ECT2L: variants seen among roughly 807,000 people sequenced by gnomAD.
ECT2L encodes the protein epithelial cell transforming 2 like, also known as epithelial cell-transforming sequence 2 oncogene-like.
A neutral mutation model predicts 122.8 loss-of-function variants in ECT2L; 126 were observed. That is an observed-to-expected ratio of 1.03 (90% CI 0.89 to 1.19). ECT2L has a LOEUF of 1.19. Ranked by LOEUF, ECT2L falls within the 50% of genes most tolerant of loss-of-function variation. ECT2L has a pLI of 0.00. For missense variants in ECT2L, 1,012 were observed against 1,064.1 expected, an observed-to-expected ratio of 0.95 and a Z score of 0.68; for synonymous variants, 385 against 381.8, an observed-to-expected ratio of 1.01 and a Z score of -0.10.
chr6:138,882,306 G>C (rs1481927824), intron 15 of ECT2L, among the ~76,000 whole-genome samples: 1 of 152,154 alleles, frequency 6.6e-6, no homozygotes, highest in Non-Finnish European at 1.5e-5. Flanking sequence ...TCTGATGGAT[G>C]AATGAGGGAT....
chr6:138,827,077 G>A (rs551625389), intron 4 of ECT2L, among the ~76,000 whole-genome samples: 19 of 152,246 alleles, frequency 1.2e-4, no homozygotes, highest in South Asian at 4.1e-4. Flanking sequence ...AGCCAGGTGC[G>A]GTGGTTCATA....
At chr6:138,847,626 C>T (rs1777280292) in intron 8 of ECT2L, among the ~76,000 whole-genome samples, 1 of 151,162 alleles carries the variant, frequency 6.6e-6, no homozygotes, top group South Asian at 2.1e-4. Flanking sequence ...ATCCGCCTGC[C>T]TTGGCCTCCC....
chr6:138,876,401 C>A, intron 13 of ECT2L, 71 bp from the exon 14 acceptor site: 3 of 1,045,342 alleles, frequency 2.9e-6, no homozygotes, highest in Non-Finnish European at 4.4e-6. Context: ...GGGCCTCCTG[C>A]GGGCACAGTA....
chr6:138,901,038 G>C lies in ECT2L; in HGVS notation c.2505G>C (p.Glu835Asp). ...SSRGTSHTPF[E>D]RTSKTTYQFI... ...GGGGCACATCTCACACTCCATTTGA[G>C]AGGACTTCAAAAACAACCTACCAGT... Residue 835 changes from glutamate to aspartate, a missense_variant, in exon 21 of 22, where the codon GAG (glutamate) becomes GAC (aspartate). Glu to Asp is a conservative substitution (Grantham distance 45). Coordinates refer to ENST00000541398, the MANE Select transcript of ECT2L (RefSeq NM_001077706.3). 6.2e-7 allele frequency: 1 copy of C among 1,614,146 alleles called. No individual in the cohort carries two copies. The highest frequency in any genetic ancestry group is 8.5e-7 in the Non-Finnish European group (1 of 1,180,024).
chr6:138,806,511 C>CTTCTT (rs530723007), intron 1 of ECT2L, among the ~76,000 whole-genome samples: 11,273 of 89,748 alleles, frequency 0.13, 926 homozygotes, highest in South Asian at 0.34. Context: ...AAAATTCACG[C>CTTCTT]TTTTTTTTTT....
chr6:138,860,397 A>C lies in ECT2L; in HGVS notation c.1199-2230A>C, dbSNP rs142975750. Among the ~76,000 whole-genome samples, 19 of 151,964 alleles carry C rather than the reference A, an allele frequency of 1.3e-4. No homozygotes were observed. In the East Asian group the frequency reaches 3.7e-3, roughly 29 times the overall value. ...TTCTTCACCATTCCTTATAACTACTATCCTTTTTCCAGTGAATTTCATTTG... is the reference window on the plus strand; with the variant it reads ...TTCTTCACCATTCCTTATAACTACTCTCCTTTTTCCAGTGAATTTCATTTG... On this transcript the variant is annotated intron_variant, in intron 10 of 21. Transcript: ENST00000541398.
At chr6:138,886,969 C>G (rs371487031) in intron 19 of ECT2L, 47 bp downstream of exon 19, 2 of 1,511,522 alleles carry the variant, frequency 1.3e-6, no homozygotes, top group Non-Finnish European at 1.8e-6. Flanking sequence ...ATGAATACAA[C>G]CTCCAGTCTT....
At chr6:138,845,071 C>CAAA (rs1777174895) in intron 7 of ECT2L, among the ~76,000 whole-genome samples, 1 of 152,036 alleles carries the variant, frequency 6.6e-6, no homozygotes, top group African/African-American at 2.4e-5. Context: ...ATAACTTCCA[C>CAAA]TTATATTTGT....
intron 20 of ECT2L, among the ~76,000 whole-genome samples, chr6:138,892,105 T>C (rs1361674216): frequency 2.0e-5 from 3 of 152,196 alleles, no homozygotes; most frequent in Non-Finnish European, 4.4e-5. Flanking sequence ...TACTTGGATA[T>C]TCTGTTCTTT....
intron 4 of ECT2L, among the ~76,000 whole-genome samples, chr6:138,821,556 C>A (rs1776269504): frequency 6.6e-6 from 1 of 152,236 alleles, no homozygotes; most frequent in Non-Finnish European, 1.5e-5. Flanking sequence ...TGATCATGTG[C>A]TTTTCAGAGC....
At chr6:138,817,532 A>G (rs944586116) in intron 4 of ECT2L, among the ~76,000 whole-genome samples, 1 of 152,144 alleles carries the variant, frequency 6.6e-6, no homozygotes, top group Non-Finnish European at 1.5e-5. Flanking sequence ...TATAATTTCC[A>G]AATAATTTTG....
intron 1 of ECT2L, among the ~76,000 whole-genome samples, chr6:138,811,490 A>AGTGCCTG (rs1775892801): frequency 6.6e-6 from 1 of 152,138 alleles, no homozygotes; most frequent in Admixed American, 6.6e-5. Context: ...GTATTTGCAG[A>AGTGCCTG]TAGTGCCTAT....
At chr6:138,832,674 C>T (rs984845863) in intron 4 of ECT2L, among the ~76,000 whole-genome samples, 1 of 152,146 alleles carries the variant, frequency 6.6e-6, no homozygotes, top group Non-Finnish European at 1.5e-5. Context: ...CCTAGCACTA[C>T]TCATCAAGAC....
At position 138,881,008 on chromosome 6, in the gene ECT2L, G is replaced by C; in HGVS notation, c.1717G>C (p.Glu573Gln). The C allele has an allele frequency of 6.2e-7, 1 of 1,614,182 alleles. No individual in the cohort carries two copies. ...SAEKRARVVR[E>Q]LLQSERKYVQ... ...AGAAAAGCGAGCTAGAGTTGTCAGA[G>C]AACTCTTACAGAGTGAGAGAAAATA... The change falls in exon 15 of 22, where the codon GAA (glutamate) becomes CAA (glutamine). Residue 573 changes from glutamate to glutamine, a missense_variant. By Grantham distance (29) the Glu-to-Gln change is conservative. Transcript: ENST00000541398.
chr6:138,852,033 C>T (rs1024963847), intron 9 of ECT2L, among the ~76,000 whole-genome samples: 1 of 152,196 alleles, frequency 6.6e-6, no homozygotes, highest in Non-Finnish European at 1.5e-5. Flanking sequence ...AATCCTGGCA[C>T]TTTGGGAGGC....
chr6:138,813,347 T>A lies in ECT2L; in HGVS notation c.66+7T>A. On this transcript the variant is annotated splice_region_variant and intron_variant, in intron 3 of 21. Transcript: ENST00000541398. ...CAAGTCATTAAATAGACAGGTAAGT[T>A]ACATACTTTAAAACAGAACAAGTTT... 1.2e-6 allele frequency: 2 copies of A among 1,604,648 alleles called. No homozygotes were observed. Among genetic ancestry groups the A allele is most frequent in the Non-Finnish European group, 1.7e-6 (2 of 1,175,100 alleles).
intron 14 of ECT2L, chr6:138,879,267 C>T: frequency 4.3e-6 from 1 of 232,988 alleles, no homozygotes; most frequent in Non-Finnish European, 8.6e-6. Flanking sequence ...TGCCCACCAC[C>T]CTAAAATTAA....
chr6:138,887,764 ACT>A (rs1458003414), intron 19 of ECT2L, among the ~76,000 whole-genome samples: 7 of 151,988 alleles, frequency 4.6e-5, no homozygotes, highest in Admixed American at 6.6e-5. Context: ...CTTTGTGCAT[ACT>A]CTTTCTTCTC....
intron 13 of ECT2L, among the ~76,000 whole-genome samples, chr6:138,871,760 G>T (rs913819654): frequency 6.6e-6 from 1 of 151,886 alleles, no homozygotes; most frequent in Admixed American, 6.6e-5. Flanking sequence ...AGCCAAGATC[G>T]CGCCATTGCA....
Sources: allele counts gnomAD v4.1 joint callset (sites outside exome capture counted in the v4.1 genomes callset), GRCh38; gene constraint gnomAD v4.1.1; transcripts MANE v1.5; gene names NCBI Gene and HGNC (gene_info 2026-07-23, HGNC 2026-07-21).